PTOV1: variants seen among roughly 807,000 people sequenced by gnomAD.
PTOV1 encodes PTOV1 extended AT-hook containing adaptor protein, also known as prostate tumor-overexpressed gene 1 protein.
Under a neutral mutation model 58.0 loss-of-function variants are expected in PTOV1, and 20 were observed. The ratio of observed to expected loss-of-function variants is 0.34; its 90% CI spans 0.24 to 0.50. The LOEUF (loss-of-function observed/expected upper bound fraction) is 0.50. Among genes scored for constraint, PTOV1 ranks in the 20% least tolerant of loss-of-function variants. PTOV1 has a pLI of 0.98. For missense variants in PTOV1, 593 were observed against 565.4 expected, an observed-to-expected ratio of 1.05 and a Z score of -0.50; for synonymous variants, 335 against 234.2, an observed-to-expected ratio of 1.43 and a Z score of -3.93.
At chr19:49,855,303 A>G in intron 5 of PTOV1, 1 of 566,068 alleles carries the variant, frequency 1.8e-6, no homozygotes, top group Non-Finnish European at 3.2e-6. Context: ...ATCTGTGCCC[A>G]GCTTCGAGGT....
At chr19:49,860,347 AC>A in exon 12 of PTOV1, 1 of 1,129,726 alleles carries the variant, frequency 8.9e-7, no homozygotes, top group Non-Finnish European at 1.2e-6. Context: ...GTGAGTGGTG[AC>A]CCTGTCATGT....
upstream of PTOV1, chr19:49,850,893 G>A (rs1568633051): frequency 2.0e-6 from 3 of 1,535,772 alleles, no homozygotes; most frequent in South Asian, 1.2e-5. Context: ...GAGGTCTCCC[G>A]CCGTCCCGAC....
At chr19:49,854,576 G>A in intron 2 of PTOV1, 33 bp downstream of exon 2, 2 of 1,612,606 alleles carry the variant, frequency 1.2e-6, no homozygotes, top group South Asian at 1.1e-5. Context: ...CTGGCCTCCA[G>A]GGTCTTGTCT....
At chr19:49,851,022 G>A (rs1360806784), upstream of PTOV1, 29 of 1,528,654 alleles carry the variant, frequency 1.9e-5, no homozygotes, top group East Asian at 7.4e-5. Context: ...GGACTCCCCC[G>A]CGCCGGAGAG....
exon 10 of PTOV1, chr19:49,858,605 G>A (rs1207550276): frequency 6.2e-7 from 1 of 1,606,738 alleles, no homozygotes. Flanking sequence ...ACTTCACCAA[G>A]GACCTGGAGA....
At position 49,854,648 on chromosome 19, in the gene PTOV1, A is replaced by G; in HGVS notation, c.310-4A>G. ...GCACAGTGACGCCCCTCCTGCCCCC[A>G]CAGAAGCGCAGACCCTACTCTGACT... On this transcript the variant is annotated splice_polypyrimidine_tract_variant and splice_region_variant and intron_variant, in intron 2 of 11. Coordinates refer to ENST00000391842, the Ensembl canonical transcript of PTOV1. The G allele has an allele frequency of 6.2e-7, 1 of 1,613,138 alleles. No homozygotes were observed. Among genetic ancestry groups the G allele is most frequent in the South Asian group, 1.1e-5 (1 of 91,068 alleles).
In PTOV1 at chr19:49,855,567, A is replaced by G. The variant is rs538698884; in HGVS notation, c.558+490A>G. On this transcript the variant is annotated intron_variant, in intron 5 of 11. Coordinates refer to ENST00000391842, the Ensembl canonical transcript of PTOV1. Reference sequence around the variant, plus strand: ...AAGCAGGCGCGGTGAGTAGGTCCTCAGGCCTGGCTCCAAGGGGACCCAGGT... The same window carrying G: ...AAGCAGGCGCGGTGAGTAGGTCCTCGGGCCTGGCTCCAAGGGGACCCAGGT... 20 of 181,236 alleles carry G rather than the reference A, an allele frequency of 1.1e-4. No homozygotes were observed. The East Asian group carries it at 2.8e-3, about 25-fold the overall frequency. The allele number at this position is 181,236 out of a possible 1,614,324, so 11.2% of individuals were successfully genotyped here.
intron 1 of PTOV1, chr19:49,853,289 T>C (rs1201170423): frequency 6.6e-6 from 1 of 152,246 alleles, no homozygotes; most frequent in African/African-American, 2.4e-5. Flanking sequence ...GGGGAAACTC[T>C]CGTGGGTTTC....
At chr19:49,851,807 C>A (rs929087217) in intron 1 of PTOV1, 1 of 1,021,642 alleles carries the variant, frequency 9.8e-7, no homozygotes, top group East Asian at 8.6e-5. Flanking sequence ...CCGGCACGCT[C>A]GCTTGTTTTT....
chr19:49,859,777 C>T (rs756953359), intron 10 of PTOV1: 13 of 604,786 alleles, frequency 2.1e-5, no homozygotes, highest in South Asian at 3.9e-5. Flanking sequence ...GGGCCCTTCC[C>T]GACAGAGCCT....
At chr19:49,859,873 GAC>G in intron 10 of PTOV1, 111 bp from the exon 11 acceptor site, 1 of 1,182,752 alleles carries the variant, frequency 8.5e-7, no homozygotes, top group Non-Finnish European at 1.2e-6. Context: ...GGGGTGTGAG[GAC>G]AGAGCAGTTA....
At chr19:49,857,916 C>T in exon 8 of PTOV1, 1 of 1,613,732 alleles carries the variant, frequency 6.2e-7, no homozygotes, top group Non-Finnish European at 8.5e-7. Flanking sequence ...CAGGCCTGAG[C>T]CCAACAGTCG....
rs2278837 is a variant in PTOV1, at chr19:49,857,274, G to A, written c.714+144G>A. 1.5e-5 allele frequency: 18 copies of A among 1,214,146 alleles called. No homozygotes were observed. The East Asian group carries it at 1.7e-4, about 11-fold the overall frequency. 75.2% of individuals were successfully genotyped at this position (1,214,146 alleles called of 1,614,324 possible). A position where few individuals can be genotyped will look rare whatever the true frequency, so the allele number is the denominator to read the frequency against. ...CAGGGGAGCCCGGAGGATGCCGGGC[G>A]GGTTCCCACCAGGGCTCCATGGAAA... On this transcript the variant is annotated intron_variant, in intron 6 of 11. Coordinates refer to ENST00000391842, the Ensembl canonical transcript of PTOV1.
upstream of PTOV1, chr19:49,850,848 C>T (rs1191373754): frequency 1.3e-6 from 2 of 1,535,096 alleles, no homozygotes; most frequent in Middle Eastern, 3.3e-4. Flanking sequence ...TATTTTGGCG[C>T]GGTCTCCTGG....
At chr19:49,850,717 C>A, upstream of PTOV1, 4 of 810,734 alleles carry the variant, frequency 4.9e-6, no homozygotes, top group Non-Finnish European at 5.5e-6. Context: ...CTCGCCACGT[C>A]ACCGACTGCA....
Position 49,858,048 on chromosome 19 carries a change from G to T in PTOV1, c.879-9G>T, listed in dbSNP as rs764908574. ...GGCTTCCTGACCCTCGTCCCTTTGT[G>T]CCCCACAGGAGGACCGAGCAGTGGC... On this transcript the variant is annotated splice_polypyrimidine_tract_variant and intron_variant, in intron 8 of 11. Coordinates refer to ENST00000391842, the Ensembl canonical transcript of PTOV1. 6 of 1,614,086 alleles carry T rather than the reference G, an allele frequency of 3.7e-6. No homozygotes were observed. Among genetic ancestry groups the T allele is most frequent in the Non-Finnish European group, 5.1e-6 (6 of 1,179,996 alleles).
At chr19:49,851,324 CCG>C (rs1467248543) in exon 1 of PTOV1, 26 of 1,065,214 alleles carry the variant, frequency 2.4e-5, no homozygotes, top group Middle Eastern at 8.6e-4. Context: ...CGGCCCGCGC[CCG>C]CCATGGTCCG....
At chr19:49,851,625 C>G in intron 1 of PTOV1, 126 bp downstream of exon 1, 1 of 1,072,646 alleles carries the variant, frequency 9.3e-7, no homozygotes, top group Admixed American at 4.8e-5. Context: ...AAGGGTGGTC[C>G]CGCCCGGGGC....
intron 2 of PTOV1, 34 bp downstream of exon 2, chr19:49,854,577 G>C: frequency 3.1e-6 from 5 of 1,612,570 alleles, no homozygotes; most frequent in Middle Eastern, 3.3e-4. Flanking sequence ...TGGCCTCCAG[G>C]GTCTTGTCTT....
Sources: gnomAD v4.1 joint callset for allele counts on GRCh38, gnomAD v4.1.1 for gene constraint, MANE v1.5 for transcripts, NCBI Gene and HGNC (gene_info 2026-07-23, HGNC 2026-07-21) for gene names.